SEM1: variants seen among roughly 807,000 people sequenced by gnomAD.
SEM1 encodes the protein SEM1 26S proteasome subunit, also known as 26S proteasome complex subunit SEM1.
Under a neutral mutation model 12.7 loss-of-function variants are expected in SEM1, and 3 were observed. The ratio of observed to expected loss-of-function variants is 0.24; its 90% CI spans 0.11 to 0.61. SEM1 has a LOEUF of 0.61. Among genes scored for constraint, SEM1 ranks in the 20% least tolerant of loss-of-function variants. The pLI, the probability that SEM1 is intolerant of heterozygous loss-of-function variation, is 0.88. For missense variants in SEM1, 59 were observed against 81.3 expected (o/e 0.73, Z 1.06); for synonymous variants, 30 against 27.8 (o/e 1.08, Z -0.25).
chr7:96,553,428 C>A (rs1219456012), intron 2 of SEM1, among the ~76,000 whole-genome samples: 63 of 148,850 alleles, frequency 4.2e-4, no homozygotes, highest in African/African-American at 1.5e-3. Flanking sequence ...GCCAGTTTTC[C>A]CAGCACCATT....
At chr7:96,690,734 T>C (rs1789905668) in intron 2 of SEM1, among the ~76,000 whole-genome samples, 1 of 152,192 alleles carries the variant, frequency 6.6e-6, no homozygotes, top group Non-Finnish European at 1.5e-5. Flanking sequence ...TTTATGACAA[T>C]GGCTATATCT....
chr7:96,605,686 A>C (rs1366985004), intron 2 of SEM1, among the ~76,000 whole-genome samples: 1 of 152,162 alleles, frequency 6.6e-6, no homozygotes. Flanking sequence ...TTTTCTCTTG[A>C]AATAGAGTTC....
chr7:96,668,145 T>C (rs1044202899), intron 2 of SEM1, among the ~76,000 whole-genome samples: 3 of 152,228 alleles, frequency 2.0e-5, no homozygotes, highest in African/African-American at 7.2e-5. Context: ...ATTGTAGAGT[T>C]ATCAGATATT....
intron 3 of SEM1, among the ~76,000 whole-genome samples, chr7:96,504,610 C>A (rs1007922588): frequency 3.3e-5 from 5 of 151,962 alleles, no homozygotes; most frequent in African/African-American, 1.2e-4. Context: ...TTTATAAATA[C>A]CTTATTTACA....
upstream of SEM1, among the ~76,000 whole-genome samples, chr7:96,496,731 C>A (rs1206570295): frequency 6.6e-6 from 1 of 152,042 alleles, no homozygotes; most frequent in Non-Finnish European, 1.5e-5. Context: ...TGAATGATTT[C>A]TACATAATAA....
chr7:96,582,882 G>T (rs1584783326), intron 2 of SEM1, among the ~76,000 whole-genome samples: 1 of 152,092 alleles, frequency 6.6e-6, no homozygotes, highest in East Asian at 1.9e-4. Context: ...TATTAGTCTT[G>T]CTAGCGATCT....
At chr7:96,585,724 G>A (rs1806605748) in intron 2 of SEM1, among the ~76,000 whole-genome samples, 2 of 142,272 alleles carry the variant, frequency 1.4e-5, no homozygotes, top group Admixed American at 1.4e-4. Context: ...GGAGTGACCC[G>A]ATTTTCCAGG....
In SEM1 at chr7:96,605,130, GT is replaced by G; in HGVS notation, c.170+89667del. ...TTACATATAATTCATGAATTCATTA[GT>G]TTTAATAACCCTTCTAAACTCTTGC... On this transcript the variant is annotated intron_variant and NMD_transcript_variant, in intron 2 of 3. Transcript: ENST00000466986. Among the ~76,000 whole-genome samples, 6 of 152,234 alleles carry G rather than the reference GT, an allele frequency of 3.9e-5. 1 individual carries two copies. Among genetic ancestry groups the G allele is most frequent in the Admixed American group, 3.9e-4 (6 of 15,296 alleles).
At chr7:96,539,893 G>A (rs1168675511) in intron 2 of SEM1, among the ~76,000 whole-genome samples, 1 of 151,226 alleles carries the variant, frequency 6.6e-6, no homozygotes, top group Non-Finnish European at 1.5e-5. Context: ...TATTAGGCTG[G>A]TGCAAAAGTA....
At chr7:96,683,848 GGGA>G (rs1362576747), downstream of SEM1, among the ~76,000 whole-genome samples, 4 of 152,064 alleles carry the variant, frequency 2.6e-5, no homozygotes, top group Non-Finnish European at 5.9e-5. Flanking sequence ...CATGGACACA[GGGA>G]GGAGATCACA....
chr7:96,600,365 T>G (rs925045250), intron 2 of SEM1, among the ~76,000 whole-genome samples: 2 of 152,192 alleles, frequency 1.3e-5, no homozygotes, highest in Non-Finnish European at 1.5e-5. Flanking sequence ...AAAGCTATAA[T>G]TTTGCTGAAA....
chr7:96,511,404 G>T (rs896383121), intron 2 of SEM1, among the ~76,000 whole-genome samples: 6 of 152,064 alleles, frequency 3.9e-5, no homozygotes, highest in Admixed American at 6.6e-5. Flanking sequence ...GATTCTTTTT[G>T]ATTGAAGAAT....
intron 1 of SEM1, among the ~76,000 whole-genome samples, chr7:96,709,028 T>C (rs1241993308): frequency 6.6e-6 from 1 of 152,174 alleles, no homozygotes; most frequent in Non-Finnish European, 1.5e-5. Flanking sequence ...TTGCCCAGGC[T>C]GGTCTTGAAC....
At chr7:96,497,711 G>T (rs898306293), upstream of SEM1, among the ~76,000 whole-genome samples, 1 of 152,148 alleles carries the variant, frequency 6.6e-6, no homozygotes, top group African/African-American at 2.4e-5. Context: ...GCAATTTTTA[G>T]ACATTGGACA....
chr7:96,487,383 G>C (rs1802817626), intron 1 of SEM1, among the ~76,000 whole-genome samples: 1 of 150,008 alleles, frequency 6.7e-6, no homozygotes. Context: ...TTGATGTTTT[G>C]ATCAGTATGG....
chr7:96,643,440 G>A (rs1053330839), intron 2 of SEM1, among the ~76,000 whole-genome samples: 1 of 151,928 alleles, frequency 6.6e-6, no homozygotes, highest in Non-Finnish European at 1.5e-5. Flanking sequence ...ATGGTGGTTT[G>A]CTACACCCAT....
intron 2 of SEM1, among the ~76,000 whole-genome samples, chr7:96,616,741 G>A (rs1034887506): frequency 9.2e-5 from 14 of 151,972 alleles, no homozygotes; most frequent in African/African-American, 3.4e-4. Context: ...CAGAGGTATG[G>A]GTCCAGTTTC....
chr7:96,631,584 CT>C (rs1290309876), intron 2 of SEM1, among the ~76,000 whole-genome samples: 1 of 152,078 alleles, frequency 6.6e-6, no homozygotes, highest in Admixed American at 6.5e-5. Flanking sequence ...AGCCTAAGAC[CT>C]AAAATCATAA....
intron 2 of SEM1, among the ~76,000 whole-genome samples, chr7:96,592,082 A>C (rs1167916614): frequency 6.6e-6 from 1 of 152,070 alleles, no homozygotes; most frequent in Non-Finnish European, 1.5e-5. Flanking sequence ...CACCACTGGT[A>C]TTATCAGGAC....
Sources: gnomAD v4.1 joint callset for allele counts (sites outside exome capture counted in the v4.1 genomes callset) on GRCh38, gnomAD v4.1.1 for gene constraint, MANE v1.5 for transcripts, NCBI Gene and HGNC (gene_info 2026-07-23, HGNC 2026-07-21) for gene names.